The following CEP89 variants were observed in gnomAD, a reference collection of about 807,000 sequenced individuals.
CEP89 encodes the protein centrosomal protein 89.
In CEP89, 95 loss-of-function variants were observed where a neutral mutation model predicts 97.6. The ratio of observed to expected loss-of-function variants is 0.97; its 90% CI spans 0.82 to 1.15. The LOEUF (loss-of-function observed/expected upper bound fraction) is 1.15. CEP89 is among the 50% of genes most tolerant of loss of function. The probability of loss-of-function intolerance (pLI) is 0.00; values close to 1 mark genes in which losing one functional copy is unlikely to be tolerated. For synonymous variants in CEP89, 354 were observed against 349.1 expected (o/e 1.01, Z -0.16); for missense variants, 869 against 947.7 (o/e 0.92, Z 1.09).
intron 7 of CEP89, 57 bp from the exon 8 acceptor site, chr19:32,933,726 C>G (rs1970524978): frequency 8.8e-7 from 1 of 1,140,136 alleles, no homozygotes; most frequent in Non-Finnish European, 1.3e-6. Context: ...AATGTTACAT[C>G]AAAATCAACT....
In CEP89 at chr19:32,918,323, G is replaced by C; in HGVS notation, c.1285C>G (p.Gln429Glu). The C allele has an allele frequency of 6.2e-7, 1 of 1,613,990 alleles. No individual in the cohort carries two copies. Among genetic ancestry groups the C allele is most frequent in the African/African-American group, 1.3e-5 (1 of 75,054 alleles). ...TSEEWRQLQTQAKLVLEENKL... is the reference protein window; with the variant it reads ...TSEEWRQLQTEAKLVLEENKL... ...TTTTCCTCTAAAACCAGTTTTGCTT[G>C]AGTCTGAAGCTGACGCCTGCAATTG... The change falls in exon 13 of 19, where the codon CAA (glutamine) becomes GAA (glutamate). Residue 429 changes from glutamine to glutamate, a missense_variant. By Grantham distance (29) the Gln-to-Glu change is conservative. Coordinates refer to ENST00000305768, the MANE Select transcript of CEP89 (RefSeq NM_032816.5).
intron 14 of CEP89, among the ~76,000 whole-genome samples, chr19:32,913,344 C>T (rs936835127): frequency 2.7e-5 from 4 of 148,274 alleles, no homozygotes; most frequent in African/African-American, 9.9e-5. Context: ...GTTGTTGTTT[C>T]ACAATGTTGC....
Position 32,936,388 on chromosome 19 carries a change from G to T in CEP89, c.667+1243C>A, listed in dbSNP as rs79964643. ...CTGCAGTTGCCCCTTGGTGTGAGCA[G>T]CCTGGGTGCCATGGACTGGGCAGCA... On this transcript the variant is annotated intron_variant, in intron 7 of 18. Coordinates refer to ENST00000305768, the MANE Select transcript of CEP89 (RefSeq NM_032816.5). The surrounding 1 kb of genome is among the most constrained non-coding windows in gnomAD (Gnocchi z 4.5). Among the ~76,000 whole-genome samples the T allele has an allele frequency of 8.6e-3, 1,317 of 152,260 alleles. 23 individuals are homozygous for T. Among genetic ancestry groups the T allele is most frequent in the African/African-American group, 0.03 (1,262 of 41,550 alleles).
intron 12 of CEP89, among the ~76,000 whole-genome samples, chr19:32,922,346 A>G (rs1210341313): frequency 6.6e-6 from 1 of 152,054 alleles, no homozygotes; most frequent in Admixed American, 6.6e-5. Context: ...GTTCGAGACC[A>G]GCTTGGGTAA....
intron 11 of CEP89, among the ~76,000 whole-genome samples, chr19:32,925,289 G>A (rs542248409): frequency 1.3e-5 from 2 of 152,130 alleles, no homozygotes; most frequent in Non-Finnish European, 1.5e-5. Context: ...CCTGAAGTTA[G>A]AACGAGCTCC....
chr19:32,925,434 GT>G (rs1970334822), intron 11 of CEP89, among the ~76,000 whole-genome samples: 1 of 149,394 alleles, frequency 6.7e-6, no homozygotes, highest in Non-Finnish European at 1.5e-5. Flanking sequence ...AAGCATCTAA[GT>G]TTGCCCAAAA....
rs1346491006 is a variant in CEP89 at position 32,919,969 on chromosome 19, C to CT, written c.1269-1631dup. 2.0e-5 allele frequency among the ~76,000 whole-genome samples: 3 copies of CT among 152,134 alleles called. No homozygotes were observed. In the South Asian group the frequency reaches 6.2e-4, roughly 32 times the overall value. On this transcript the variant is annotated intron_variant, in intron 12 of 18. Transcript: ENST00000305768. The stretch of plus-strand genomic sequence containing the variant: ...CCGCATTTTGGACTAATTTATAAGA[C>CT]TTTTTCTTTATTTGTTCATTCATTC...
chr19:32,928,339 G>C (rs1333891711), intron 9 of CEP89, among the ~76,000 whole-genome samples: 1 of 151,954 alleles, frequency 6.6e-6, no homozygotes, highest in Non-Finnish European at 1.5e-5. Context: ...AAAGAGTACT[G>C]GTTTCTTTTC....
intron 16 of CEP89, among the ~76,000 whole-genome samples, chr19:32,890,272 C>T (rs963481623): frequency 6.6e-6 from 1 of 152,054 alleles, no homozygotes; most frequent in Non-Finnish European, 1.5e-5. Flanking sequence ...TGGTGGCATG[C>T]GCCTATAGTC....
intron 1 of CEP89, among the ~76,000 whole-genome samples, chr19:32,967,934 A>G (rs1455461679): frequency 6.6e-6 from 1 of 152,154 alleles, no homozygotes; most frequent in Non-Finnish European, 1.5e-5. Context: ...CCTAGTGAGG[A>G]GCACCCACTG....
At position 32,949,879 on chromosome 19, in the gene CEP89, G is replaced by C. The variant is rs528592879; in HGVS notation, c.493-1511C>G. 8.5e-5 allele frequency among the ~76,000 whole-genome samples: 13 copies of C among 152,218 alleles called. No homozygotes were observed. In the South Asian group the frequency reaches 2.3e-3, roughly 27 times the overall value. On this transcript the variant is annotated intron_variant, in intron 4 of 18. Coordinates refer to ENST00000305768, the MANE Select transcript of CEP89 (RefSeq NM_032816.5). The stretch of plus-strand genomic sequence containing the variant: ...GGACTAGCAAGACGCCCATGAGAAG[G>C]GGCATTTCAGAGTAAGAGCTAAGGC...
intron 16 of CEP89, among the ~76,000 whole-genome samples, chr19:32,888,905 G>A (rs1268755646): frequency 2.0e-5 from 3 of 152,048 alleles, no homozygotes; most frequent in African/African-American, 7.2e-5. Flanking sequence ...CACCTCCTGG[G>A]CTCAAGAGAT....
At chr19:32,882,954 G>A (rs1969315385) in intron 17 of CEP89, among the ~76,000 whole-genome samples, 1 of 152,058 alleles carries the variant, frequency 6.6e-6, no homozygotes, top group Non-Finnish European at 1.5e-5. Flanking sequence ...CGCCTCCCGG[G>A]TTCACATCAT....
intron 16 of CEP89, among the ~76,000 whole-genome samples, chr19:32,894,096 G>A (rs867202785): frequency 6.6e-6 from 1 of 152,194 alleles, no homozygotes; most frequent in African/African-American, 2.4e-5. Flanking sequence ...GACGCAGGAG[G>A]CAGGAGGATT....
intron 1 of CEP89, chr19:32,971,090 G>A: frequency 6.2e-6 from 1 of 161,464 alleles, no homozygotes; most frequent in Non-Finnish European, 1.3e-5. Context: ...GGACCTAGGG[G>A]AAGGGCGAGA....
At position 32,933,747 on chromosome 19, in the gene CEP89, C is replaced by T. The variant is rs1970525564; in HGVS notation, c.668-78G>A. ...ACATCAAAATCAACTGACTTTGTTC[C>T]AAAAACCACATCAGGCCTGGTGCCA... is the stretch of plus-strand genomic sequence containing the variant. On this transcript the variant is annotated intron_variant, in intron 7 of 18. Coordinates refer to ENST00000305768, the MANE Select transcript of CEP89 (RefSeq NM_032816.5). 4.2e-6 allele frequency: 4 copies of T among 953,288 alleles called. No homozygotes were observed. The African/African-American group carries it at 4.9e-5, about 12-fold the overall frequency. The allele number at this position is 953,288 out of a possible 1,614,324, so 59.1% of individuals were successfully genotyped here.
Position 32,933,604 on chromosome 19 carries a change from CT to C in CEP89, c.732del (p.Glu245LysfsTer6). 2.5e-6 allele frequency: 4 copies of C among 1,613,644 alleles called. No homozygotes were observed. Among genetic ancestry groups the C allele is most frequent in the Non-Finnish European group, 3.4e-6 (4 of 1,179,584 alleles). On this transcript the variant is annotated frameshift_variant, in exon 8 of 19. Transcript: ENST00000305768. LOFTEE classifies it high-confidence loss of function. Reference sequence around the variant, plus strand: ...ATATTGTTTAGGTCCATATTTTCTTCTTTTAATGCCTCAAACTTTTCTCTGG... The same window carrying C: ...ATATTGTTTAGGTCCATATTTTCTTCTTTAATGCCTCAAACTTTTCTCTGG... ...EITREKFEAL[K>X]EENMDLNNMN...
At chr19:32,903,553 A>G (rs554701645) in intron 14 of CEP89, among the ~76,000 whole-genome samples, 63 of 152,322 alleles carry the variant, frequency 4.1e-4, no homozygotes, top group Non-Finnish European at 6.8e-4. Context: ...TCTTTCTTAC[A>G]GAGATGGGAA....
At chr19:32,885,986 A>G (rs1188002848) in intron 17 of CEP89, among the ~76,000 whole-genome samples, 1 of 151,492 alleles carries the variant, frequency 6.6e-6, no homozygotes, top group Non-Finnish European at 1.5e-5. Flanking sequence ...TGTCCCTTCT[A>G]TTTCTTCCCT....
Sources: gnomAD v4.1 joint callset for allele counts (sites outside exome capture counted in the v4.1 genomes callset) on GRCh38, gnomAD v4.1.1 for gene constraint, Gnocchi (gnomAD v3.1) non-coding constraint, MANE v1.5 for transcripts, NCBI Gene and HGNC (gene_info 2026-07-23, HGNC 2026-07-21) for gene names.